RGS12: variants seen among roughly 807,000 people sequenced by gnomAD.
RGS12 encodes regulator of G-protein signaling 12.
RGS12 carries 66 observed loss-of-function variants against 120.1 expected under a neutral mutation model. The observed-to-expected ratio is 0.55, with a 90% confidence interval of 0.45 to 0.67. The LOEUF (loss-of-function observed/expected upper bound fraction) is 0.67, where lower values mean the gene tolerates loss of function less well. RGS12 is among the 30% of genes least tolerant of loss of function. The pLI is 0.00. For synonymous variants in RGS12, 827 were observed against 804.7 expected (o/e 1.03, Z -0.47); for missense variants, 1,859 against 1,957.7 (o/e 0.95, Z 0.95).
intron 1 of RGS12, among the ~76,000 whole-genome samples, chr4:3,305,663 G>C (rs951359637): frequency 1.3e-5 from 2 of 152,138 alleles, no homozygotes; most frequent in African/African-American, 4.8e-5. Context: ...TCACTTCCGA[G>C]ACCCAGCCTG....
intron 4 of RGS12, among the ~76,000 whole-genome samples, chr4:3,397,487 C>T (rs987081219): frequency 6.6e-6 from 1 of 152,134 alleles, no homozygotes; most frequent in Non-Finnish European, 1.5e-5. Flanking sequence ...AGAGAGTAGT[C>T]GTGTGTGCAC....
At chr4:3,386,503 A>G in intron 4 of RGS12, 66 bp downstream of exon 4, 9 of 1,410,204 alleles carry the variant, frequency 6.4e-6, no homozygotes, top group South Asian at 5.9e-5. Flanking sequence ...GTGAAAGTGT[A>G]TTTGCCATTT....
At chr4:3,384,086 G>T (rs967566805) in intron 3 of RGS12, among the ~76,000 whole-genome samples, 2 of 152,156 alleles carry the variant, frequency 1.3e-5, no homozygotes, top group African/African-American at 2.4e-5. Flanking sequence ...CTTATTGACA[G>T]CATTTCTGAT....
At chr4:3,369,960 T>C in intron 3 of RGS12, 1 of 1,131,302 alleles carries the variant, frequency 8.8e-7, no homozygotes, top group Non-Finnish European at 1.1e-6. Flanking sequence ...GCAGCTGTTT[T>C]ACTGACTGAG....
At chr4:3,432,327 T>A in intron 17 of RGS12, 1 of 344,922 alleles carries the variant, frequency 2.9e-6, no homozygotes, top group Non-Finnish European at 4.1e-6. Flanking sequence ...TACCATCCAC[T>A]GAACAAAACT....
At chr4:3,424,355 G>A (rs1339913824) in intron 13 of RGS12, among the ~76,000 whole-genome samples, 3 of 152,260 alleles carry the variant, frequency 2.0e-5, no homozygotes, top group Non-Finnish European at 4.4e-5. Flanking sequence ...GAGCTTTGAA[G>A]TGAACAAGAA....
chr4:3,408,182 T>C (rs1178337382), intron 4 of RGS12, among the ~76,000 whole-genome samples: 3 of 152,234 alleles, frequency 2.0e-5, no homozygotes, highest in Admixed American at 1.3e-4. Context: ...TCCCGCGTTC[T>C]GGCCTTGGAG....
At chr4:3,342,050 T>TTC (rs1168376675) in intron 2 of RGS12, among the ~76,000 whole-genome samples, 2 of 151,790 alleles carry the variant, frequency 1.3e-5, no homozygotes, top group Non-Finnish European at 2.9e-5. Flanking sequence ...CTCCATCTGC[T>TTC]TCCAGAAAGG....
At chr4:3,350,704 A>C (rs1429569779) in intron 3 of RGS12, among the ~76,000 whole-genome samples, 2 of 152,182 alleles carry the variant, frequency 1.3e-5, no homozygotes, top group Non-Finnish European at 2.9e-5. Context: ...AACAAAAAAA[A>C]CAAAAAAGAT....
chr4:3,363,631 C>G (rs896936481), intron 3 of RGS12, among the ~76,000 whole-genome samples: 2 of 152,000 alleles, frequency 1.3e-5, no homozygotes, highest in Non-Finnish European at 2.9e-5. Context: ...GTCCCGCTCA[C>G]CCGGCGCACA....
chr4:3,351,766 A>C (rs367730638), intron 3 of RGS12, among the ~76,000 whole-genome samples: 6 of 152,180 alleles, frequency 3.9e-5, no homozygotes, highest in African/African-American at 1.4e-4. Context: ...AACGGACCAC[A>C]GTATAGCTGG....
chr4:3,348,623 T>C (rs963654760), intron 3 of RGS12, among the ~76,000 whole-genome samples: 1 of 152,134 alleles, frequency 6.6e-6, no homozygotes, highest in East Asian at 1.9e-4. Flanking sequence ...AGTTTTCTGG[T>C]TCCATGGAAC....
At chr4:3,428,880 C>G (rs944972145) in intron 16 of RGS12, among the ~76,000 whole-genome samples, 169 bp downstream of exon 16, 7 of 152,230 alleles carry the variant, frequency 4.6e-5, no homozygotes, top group African/African-American at 1.7e-4. Context: ...TGGGATCACT[C>G]CACCGAAACC....
chr4:3,377,581 T>A (rs897983985), intron 3 of RGS12, among the ~76,000 whole-genome samples: 1 of 152,262 alleles, frequency 6.6e-6, no homozygotes, highest in African/African-American at 2.4e-5. Context: ...CAATAGAATT[T>A]GGAAATTATG....
chr4:3,417,799 C>T, intron 9 of RGS12: 1 of 472,836 alleles, frequency 2.1e-6, no homozygotes, highest in Middle Eastern at 5.6e-4. Flanking sequence ...CCCATGCCTA[C>T]CTCAGGCCTA....
At chr4:3,386,606 C>A (rs1718882039) in intron 4 of RGS12, among the ~76,000 whole-genome samples, 169 bp downstream of exon 4, 1 of 152,142 alleles carries the variant, frequency 6.6e-6, no homozygotes, top group South Asian at 2.1e-4. Context: ...TTCTGTGACA[C>A]CCAGGTGGCC....
intron 12 of RGS12, 150 bp from the exon 13 acceptor site, chr4:3,423,365 G>A (rs1227195218): frequency 3.2e-5 from 34 of 1,046,834 alleles, no homozygotes; most frequent in Middle Eastern, 2.5e-4. Flanking sequence ...CCACGTGGAG[G>A]AAGGCACGTT....
chr4:3,418,726 G>A (rs1377923722), intron 9 of RGS12: 2 of 152,272 alleles, frequency 1.3e-5, no homozygotes, highest in African/African-American at 2.4e-5. Flanking sequence ...GCAGCTGAGA[G>A]TTGCAGAGTT....
rs763619057 is a variant in RGS12, at chr4:3,422,536, C to T, written c.2999C>T (p.Ala1000Val). The T allele has an allele frequency of 5.6e-6, 9 of 1,612,688 alleles. No individual in the cohort carries two copies. Among genetic ancestry groups the T allele is most frequent in the Middle Eastern group, 1.7e-4 (1 of 6,058 alleles). ...TGTGAGCGGCATGGCATCAACGGGG[C>T]GGCCGCGGACCTCTTCCTGGTGGGC... is the stretch of plus-strand genomic sequence containing the variant. Reference protein sequence around the residue: ...GLCERHGINGAAADLFLVGGD... With the variant: ...GLCERHGINGVAADLFLVGGD... The change falls in exon 11 of 18, where the codon GCG becomes GTG. Residue 1000 changes from alanine (A) to valine (V), a missense_variant. Physicochemically the swap from Ala to Val is moderately conservative, Grantham distance 64 (BLOSUM62 0). Transcript: ENST00000336727.
Sources: allele counts gnomAD v4.1 joint callset (sites outside exome capture counted in the v4.1 genomes callset), GRCh38; gene constraint gnomAD v4.1.1; transcripts MANE v1.5; gene names NCBI Gene and HGNC (gene_info 2026-07-23, HGNC 2026-07-21).